CHST11: variants seen among roughly 807,000 people sequenced by gnomAD.
CHST11 encodes C4S-1.
A neutral mutation model predicts 30.4 loss-of-function variants in CHST11; 9 were observed. The ratio of observed to expected loss-of-function variants is 0.30; its 90% confidence interval spans 0.18 to 0.52. The LOEUF is 0.52. CHST11 is among the 20% of genes least tolerant of loss of function. The pLI is 0.97. For synonymous variants in CHST11, 152 were observed against 187.8 expected (o/e 0.81, Z 1.56); for missense variants, 348 against 460.6 (o/e 0.76, Z 2.24).
At chr12:104,490,164 T>C (rs868386012) in intron 1 of CHST11, among the ~76,000 whole-genome samples, 2 of 152,316 alleles carry the variant, frequency 1.3e-5, no homozygotes, top group African/African-American at 4.8e-5. Flanking sequence ...TCTGGGCCAG[T>C]GTACTCTGAA....
intron 1 of CHST11, among the ~76,000 whole-genome samples, chr12:104,530,236 C>T (rs2038168864): frequency 1.3e-5 from 2 of 152,100 alleles, no homozygotes; most frequent in Admixed American, 1.3e-4. Context: ...GTTAAATGCT[C>T]AATAAATGTT....
intron 1 of CHST11, among the ~76,000 whole-genome samples, chr12:104,599,401 G>T (rs920016283): frequency 6.6e-6 from 1 of 152,222 alleles, no homozygotes; most frequent in Non-Finnish European, 1.5e-5. Flanking sequence ...CCCGTCTGCC[G>T]CCATAGGGAG....
At chr12:104,693,748 A>AG (rs1340307669) in intron 2 of CHST11, among the ~76,000 whole-genome samples, 1 of 152,194 alleles carries the variant, frequency 6.6e-6, no homozygotes, top group Non-Finnish European at 1.5e-5. Flanking sequence ...ATGGATAAGT[A>AG]GGAGTTAGCC....
At chr12:104,660,439 G>A (rs554777717) in intron 2 of CHST11, among the ~76,000 whole-genome samples, 141 of 152,288 alleles carry the variant, frequency 9.3e-4, no homozygotes, top group Middle Eastern at 3.4e-3. Flanking sequence ...TCAGCCCAAG[G>A]GAAAACATGG....
At chr12:104,594,138 T>G (rs1426344630) in intron 1 of CHST11, among the ~76,000 whole-genome samples, 1 of 152,148 alleles carries the variant, frequency 6.6e-6, no homozygotes, top group East Asian at 1.9e-4. Context: ...ACTTAGGCAG[T>G]GGACAGGTAG....
intron 2 of CHST11, among the ~76,000 whole-genome samples, chr12:104,686,232 T>TAAAA (rs55789725): frequency 6.1e-5 from 6 of 99,142 alleles, no homozygotes; most frequent in Admixed American, 3.6e-4. Context: ...ACTCACCTCT[T>TAAAA]AAAAAAAAAA....
intron 2 of CHST11, among the ~76,000 whole-genome samples, chr12:104,670,588 T>TAC (rs533460878): frequency 7.7e-6 from 1 of 130,312 alleles, no homozygotes; most frequent in Non-Finnish European, 1.6e-5. Context: ...CTCACACTCA[T>TAC]ACACACACTC....
intron 2 of CHST11, among the ~76,000 whole-genome samples, chr12:104,609,594 G>A (rs2039038815): frequency 6.6e-6 from 1 of 152,216 alleles, no homozygotes; most frequent in South Asian, 2.1e-4. Flanking sequence ...TTGGATGCCT[G>A]AAGGAACTGG....
chr12:104,481,965 G>A (rs899249761), intron 1 of CHST11, among the ~76,000 whole-genome samples: 4 of 150,956 alleles, frequency 2.6e-5, no homozygotes, highest in Middle Eastern at 3.2e-3. Context: ...AGCCTCCCGA[G>A]TAGCTGGGAT....
At chr12:104,637,297 C>T (rs1278252627) in intron 2 of CHST11, among the ~76,000 whole-genome samples, 2 of 43,254 alleles carry the variant, frequency 4.6e-5, no homozygotes, top group Admixed American at 7.0e-4. Flanking sequence ...GGGAGTGAGA[C>T]CCTGTAAAAA....
At chr12:104,578,181 G>T (rs901285474) in intron 1 of CHST11, among the ~76,000 whole-genome samples, 15 of 152,130 alleles carry the variant, frequency 9.9e-5, no homozygotes, top group African/African-American at 3.4e-4. Context: ...GCAACAGGGG[G>T]TGGTTCTGAC....
chr12:104,551,032 C>T (rs530066635), intron 1 of CHST11, among the ~76,000 whole-genome samples: 5 of 152,196 alleles, frequency 3.3e-5, no homozygotes, highest in Non-Finnish European at 7.4e-5. Flanking sequence ...GTACTTGAGA[C>T]ACACTACAGC....
At chr12:104,696,482 C>CAAAAAAAAAAAAAAAA (rs10602668) in intron 2 of CHST11, among the ~76,000 whole-genome samples, 2 of 69,140 alleles carry the variant, frequency 2.9e-5, no homozygotes, top group Non-Finnish European at 5.0e-5. Context: ...GCTAAAAATA[C>CAAAAAAAAAAAAAAAA]AAAAAAAAAA....
At chr12:104,743,241 A>G (rs2040362039) in intron 2 of CHST11, among the ~76,000 whole-genome samples, 1 of 152,384 alleles carries the variant, frequency 6.6e-6, no homozygotes, top group East Asian at 1.9e-4. Flanking sequence ...GGAGATAAGT[A>G]CTACAAAGAA....
rs151024282 is a variant in CHST11 at position 104,553,637 on chromosome 12, A to T, written c.119-48269A>T. ...GAGGGAAGTGCCACACCCTTAAACC[A>T]TCAGATCTTGAGAGAACTCACTATC... On this transcript the variant is annotated intron_variant, in intron 1 of 2. Transcript: ENST00000303694. 8.6e-5 allele frequency among the ~76,000 whole-genome samples: 13 copies of T among 151,268 alleles called. 1 individual carries two copies. The highest frequency in any genetic ancestry group is 2.7e-4 in the African/African-American group (11 of 40,764).
chr12:104,562,376 A>G lies in CHST11; in HGVS notation c.119-39530A>G, dbSNP rs1159643450. 2.0e-5 allele frequency among the ~76,000 whole-genome samples: 3 copies of G among 152,108 alleles called. No homozygotes were observed. The East Asian group carries it at 5.8e-4, about 29-fold the overall frequency. On this transcript the variant is annotated intron_variant, in intron 1 of 2. Transcript: ENST00000303694. ...CTTTGAGGGTCACCTGCAGCTCTGT[A>G]AACACAGAGAAGATGAGGCCATCTT...
intron 2 of CHST11, among the ~76,000 whole-genome samples, chr12:104,625,580 C>T (rs1307911723): frequency 6.6e-6 from 1 of 152,246 alleles, no homozygotes; most frequent in East Asian, 1.9e-4. Context: ...GCTGAGATTA[C>T]AGGCATGAGC....
intron 2 of CHST11, among the ~76,000 whole-genome samples, chr12:104,739,808 G>T (rs1431453985): frequency 1.3e-5 from 2 of 152,162 alleles, no homozygotes; most frequent in East Asian, 3.8e-4. Context: ...GGAGACTGAG[G>T]CCAGGAGAGT....
Position 104,608,359 on chromosome 12 carries a change from C to A in CHST11, c.204+6368C>A, listed in dbSNP as rs7972130. Among the ~76,000 whole-genome samples, 542 of 152,060 alleles carry A rather than the reference C, an allele frequency of 3.6e-3. 8 individuals are homozygous for A. Among genetic ancestry groups the A allele is most frequent in the African/African-American group, 0.012 (506 of 41,444 alleles). On this transcript the variant is annotated intron_variant, in intron 2 of 2. Transcript: ENST00000303694. The stretch of plus-strand genomic sequence containing the variant: ...CATAGTCCTCCTGTGCAAATAACTC[C>A]CCATCTTCCTGCACCCACCTATCAC...
Sources: gnomAD v4.1 joint callset for allele counts (sites outside exome capture counted in the v4.1 genomes callset) on GRCh38, gnomAD v4.1.1 for gene constraint, MANE v1.5 for transcripts, NCBI Gene and HGNC (gene_info 2026-07-23, HGNC 2026-07-21) for gene names.